The following GORASP1 variants were observed in gnomAD, a reference collection of about 807,000 sequenced individuals.
GORASP1 encodes the protein Golgi reassembly-stacking protein 1.
A neutral mutation model predicts 37.7 loss-of-function variants in GORASP1; 31 were observed. The observed-to-expected ratio is 0.82, with a 90% CI of 0.62 to 1.11. The LOEUF (loss-of-function observed/expected upper bound fraction) is 1.11. Ranked by LOEUF, GORASP1 falls within the 50% of genes least tolerant of loss-of-function variation. The pLI is 0.00. For missense variants in GORASP1, 476 were observed against 560.7 expected (o/e 0.85, Z 1.53); for synonymous variants, 204 against 224.8 (o/e 0.91, Z 0.83).
At position 39,107,595 on chromosome 3, in the gene GORASP1, G is replaced by A. The variant is rs1486055042; in HGVS notation, c.-54C>T. 9.6e-6 allele frequency: 14 copies of A among 1,454,664 alleles called. No homozygotes were observed. Among genetic ancestry groups the A allele is most frequent in the Admixed American group, 2.6e-5 (1 of 38,278 alleles). The allele number at this position is 1,454,664 out of a possible 1,614,324, so 90.1% of individuals were successfully genotyped here. A position where few individuals can be genotyped will look rare whatever the true frequency, so the allele number is the denominator to read the frequency against. On this transcript the variant is annotated 5_prime_UTR_variant, in exon 1 of 9. Coordinates refer to ENST00000319283, the MANE Select transcript of GORASP1 (RefSeq NM_031899.4). ...CAGTCCCGCTGCGCCTACCCGGACC[G>A]ACCCGACGCCAGTAGCACCGACTCG...
intron 6 of GORASP1, among the ~76,000 whole-genome samples, 198 bp from the exon 7 acceptor site, chr3:39,099,701 C>T (rs997796464): frequency 6.6e-6 from 1 of 152,168 alleles, no homozygotes; most frequent in Non-Finnish European, 1.5e-5. Flanking sequence ...GCCTGGCCTC[C>T]CTGCAGTGTT....
chr3:39,099,584 C>G (rs2035566659), intron 6 of GORASP1, 81 bp from the exon 7 acceptor site: 3 of 1,392,840 alleles, frequency 2.2e-6, no homozygotes, highest in Non-Finnish European at 3.0e-6. Flanking sequence ...ACCTAACCAC[C>G]AGTCCCCACT....
chr3:39,103,397 G>A lies in GORASP1; in HGVS notation c.144+76C>T. On this transcript the variant is annotated intron_variant, in intron 2 of 8. Transcript: ENST00000319283. This position sits in a 1 kb window ranked among gnomAD's most constrained non-coding sequence, Gnocchi z 5.2. ...AAAAAAAGGGAGGGAAGGGTAGACTGGGGCCCCCTGTGGGACAGATGAAGA... is the reference window on the plus strand; with the variant it reads ...AAAAAAAGGGAGGGAAGGGTAGACTAGGGCCCCCTGTGGGACAGATGAAGA... The A allele has an allele frequency of 3.2e-6, 4 of 1,236,658 alleles. No homozygotes were observed. The highest frequency in any genetic ancestry group is 4.6e-6 in the Non-Finnish European group (4 of 870,690). The allele number at this position is 1,236,658 out of a possible 1,614,324, so 76.6% of individuals were successfully genotyped here. A position where few individuals can be genotyped will look rare whatever the true frequency, so the allele number is the denominator to read the frequency against.
rs755633152 is a variant in GORASP1 at position 39,098,536 on chromosome 3, C to T, written c.1070-47G>A. On this transcript the variant is annotated intron_variant, in intron 8 of 8. Coordinates refer to ENST00000319283, the MANE Select transcript of GORASP1 (RefSeq NM_031899.4). The surrounding 1 kb of genome is among the most constrained non-coding windows in gnomAD (Gnocchi z 4.7). ...TGAGGAGGTCTGCAAGAACCTAGGG[C>T]CATGGTGTTAGGGCCAGTAACCCCA... The T allele has an allele frequency of 1.3e-6, 2 of 1,577,646 alleles. No individual in the cohort carries two copies. The highest frequency in any genetic ancestry group is 1.7e-6 in the Non-Finnish European group (2 of 1,161,464).
rs751654298 is a variant in GORASP1, at chr3:39,100,279, C to T, written c.765+26G>A. The T allele has an allele frequency of 1.2e-6, 2 of 1,607,314 alleles. No individual in the cohort carries two copies. Among genetic ancestry groups the T allele is most frequent in the African/African-American group, 1.3e-5 (1 of 74,886 alleles). ...GCAGCCTCTAGAGTTTTCTGTCTTC[C>T]CAGTTGGCAGATTCTCCCCACATAC... On this transcript the variant is annotated intron_variant, in intron 6 of 8. Transcript: ENST00000319283. The surrounding 1 kb of genome is among the most constrained non-coding windows in gnomAD (Gnocchi z 4.6).
At position 39,098,500 on chromosome 3, in the gene GORASP1, G is replaced by C. The variant is rs2035475695; in HGVS notation, c.1070-11C>G. On this transcript the variant is annotated splice_polypyrimidine_tract_variant and intron_variant, in intron 8 of 8. Transcript: ENST00000319283. The surrounding 1 kb of genome is among the most constrained non-coding windows in gnomAD (Gnocchi z 4.7). ...ACCATGTAGCCTCACCTGCAACACA[G>C]AAGATCAGGCTGAGGAGGTCTGCAA... The C allele has an allele frequency of 3.7e-6, 6 of 1,609,476 alleles. No individual in the cohort carries two copies. Among genetic ancestry groups the C allele is most frequent in the Middle Eastern group, 1.7e-4 (1 of 6,034 alleles).
rs559834314 is a variant in GORASP1, at chr3:39,100,413, AGGT to A, written c.654_656del (p.Pro219del). The A allele has an allele frequency of 4.4e-4, 709 of 1,613,654 alleles. No individual in the cohort carries two copies. The highest frequency in any genetic ancestry group is 5.5e-4 in the Non-Finnish European group (649 of 1,179,770). ...GTGGGGCACCAAGTGGTAGAGCAGA[AGGT>A]GGTGGGGTGCCAGGTGGCTTCTTGT... is the stretch of plus-strand genomic sequence containing the variant. On this transcript the variant is annotated inframe_deletion, in exon 6 of 9. Coordinates refer to ENST00000319283, the MANE Select transcript of GORASP1 (RefSeq NM_031899.4). This position sits in a 1 kb window ranked among gnomAD's most constrained non-coding sequence, Gnocchi z 4.6.
At chr3:39,107,223 G>T (rs1178842574) in intron 1 of GORASP1, 1 of 538,624 alleles carries the variant, frequency 1.9e-6, no homozygotes, top group East Asian at 4.0e-5. Context: ...CCAGGAAAAC[G>T]CTCCGCTTCC....
In GORASP1 at chr3:39,103,415, G is replaced by T; in HGVS notation, c.144+58C>A. On this transcript the variant is annotated intron_variant, in intron 2 of 8. Transcript: ENST00000319283. The surrounding 1 kb of genome is among the most constrained non-coding windows in gnomAD (Gnocchi z 5.2). ...GTAGACTGGGGCCCCCTGTGGGACA[G>T]ATGAAGACACACAAACACACATAAG... 1 of 1,435,048 alleles carries T rather than the reference G, an allele frequency of 7.0e-7. No individual in the cohort carries two copies. The allele number at this position is 1,435,048 out of a possible 1,614,324, so 88.9% of individuals were successfully genotyped here. A position where few individuals can be genotyped will look rare whatever the true frequency, so the allele number is the denominator to read the frequency against.
rs937277324 is a variant in GORASP1, at chr3:39,100,856, T to C, written c.457A>G (p.Ile153Val). The C allele has an allele frequency of 3.1e-6, 5 of 1,614,120 alleles. No individual in the cohort carries two copies. The highest frequency in any genetic ancestry group is 4.2e-6 in the Non-Finnish European group (5 of 1,179,962). The change falls in exon 5 of 9, where the codon ATC becomes GTC. Residue 153 changes from isoleucine (I) to valine (V), a missense_variant. Coordinates refer to ENST00000319283, the MANE Select transcript of GORASP1 (RefSeq NM_031899.4). This position sits in a 1 kb window ranked among gnomAD's most constrained non-coding sequence, Gnocchi z 4.6. ...LQESEDFFTL[I>V]ESHEGKPLKL... ...AAGGGCTTCCCCTCATGAGACTCGA[T>C]GAGCGTAAAGAAGTCCTCGGACTGT...
rs2035458823 is a variant in GORASP1 at position 39,098,280 on chromosome 3, C to T, written c.1279G>A (p.Ala427Thr). The T allele has an allele frequency of 1.2e-6, 2 of 1,614,094 alleles. No homozygotes were observed. Among genetic ancestry groups the T allele is most frequent in the Non-Finnish European group, 1.7e-6 (2 of 1,180,050 alleles). The stretch of plus-strand genomic sequence containing the variant: ...TGGGCCTGGCTGTCCAGCCCCTCAG[C>T]CTCCGTCCCAGTATCTAGGCCCTCT... ...STEGLDTGTE[A>T]EGLDSQAQIS... The change falls in exon 9 of 9, where the codon GCT becomes ACT. Residue 427 changes from alanine (A) to threonine (T), a missense_variant. Physicochemically the swap from Ala to Thr is moderately conservative, Grantham distance 58 (BLOSUM62 0). Transcript: ENST00000319283. The surrounding 1 kb of genome is among the most constrained non-coding windows in gnomAD (Gnocchi z 4.7).
chr3:39,101,278 GGTCTACAGCCT>G, intron 3 of GORASP1, 176 bp from the exon 4 acceptor site: 2 of 647,698 alleles, frequency 3.1e-6, no homozygotes, highest in South Asian at 3.5e-5. Flanking sequence ...ATCTCCCCCA[GGTCTACAGCCT>G]GTCCAGCAGA....
Position 39,100,560 on chromosome 3 carries a change from T to G in GORASP1, c.567-57A>C. On this transcript the variant is annotated intron_variant, in intron 5 of 8. Transcript: ENST00000319283. This position sits in a 1 kb window ranked among gnomAD's most constrained non-coding sequence, Gnocchi z 4.6. ...GCTTGTCCCACGGCCCTCCCTACCT[T>G]TGCTATCCCCACCTACTACCAGCAA... 5.3e-6 allele frequency: 8 copies of G among 1,508,184 alleles called. No homozygotes were observed. Among genetic ancestry groups the G allele is most frequent in the Non-Finnish European group, 5.3e-6 (6 of 1,124,192 alleles). The allele number at this position is 1,508,184 out of a possible 1,614,324, so 93.4% of individuals were successfully genotyped here. A position where few individuals can be genotyped will look rare whatever the true frequency, so the allele number is the denominator to read the frequency against.
At chr3:39,107,345 G>A (rs1200753082) in intron 1 of GORASP1, 134 bp downstream of exon 1, 2 of 525,998 alleles carry the variant, frequency 3.8e-6, no homozygotes, top group African/African-American at 2.0e-5. Context: ...CGGGCAGGGG[G>A]CACCTCCCGC....
chr3:39,103,695 G>C lies in GORASP1; in HGVS notation c.64-142C>G. On this transcript the variant is annotated intron_variant, in intron 1 of 8. Coordinates refer to ENST00000319283, the MANE Select transcript of GORASP1 (RefSeq NM_031899.4). The surrounding 1 kb of genome is among the most constrained non-coding windows in gnomAD (Gnocchi z 5.2). ...GCATGAACTGTTCCGGACATTCTCA[G>C]GGTTCACTCCATGGCCTCTTGCTAC... 1.7e-6 allele frequency: 1 copy of C among 572,152 alleles called. No individual in the cohort carries two copies. The highest frequency in any genetic ancestry group is 3.0e-6 in the Non-Finnish European group (1 of 334,206). The allele number at this position is 572,152 out of a possible 1,614,324, so 35.4% of individuals were successfully genotyped here. A position where few individuals can be genotyped will look rare whatever the true frequency, so the allele number is the denominator to read the frequency against.
chr3:39,106,846 T>A (rs933494060), intron 1 of GORASP1: 1 of 283,596 alleles, frequency 3.5e-6, no homozygotes, highest in Non-Finnish European at 7.3e-6. Flanking sequence ...CAGACCTCCA[T>A]GTAGCGGCAT....
At position 39,098,126 on chromosome 3, in the gene GORASP1, A is replaced by G; in HGVS notation, c.*110T>C. 1 of 1,343,370 alleles carries G rather than the reference A, an allele frequency of 7.4e-7. No homozygotes were observed. Among genetic ancestry groups the G allele is most frequent in the Non-Finnish European group, 1.0e-6 (1 of 979,538 alleles). 83.2% of individuals were successfully genotyped at this position (1,343,370 alleles called of 1,614,324 possible). On this transcript the variant is annotated 3_prime_UTR_variant, in exon 9 of 9. Coordinates refer to ENST00000319283, the MANE Select transcript of GORASP1 (RefSeq NM_031899.4). The surrounding 1 kb of genome is among the most constrained non-coding windows in gnomAD (Gnocchi z 4.7). ...CCCTCTCACCACCCACTGAGGCCTC[A>G]TGTCCCACCAAAGCAGCAAGGAATC...
At position 39,099,477 on chromosome 3, in the gene GORASP1, G is replaced by A; in HGVS notation, c.792C>T (p.Ser264=). The change falls in exon 7 of 9, where the codon TCC becomes TCT. Residue 264 remains serine (S), a synonymous_variant. Coordinates refer to ENST00000319283, the MANE Select transcript of GORASP1 (RefSeq NM_031899.4). ...MEALLQAPGS[S]MEDPLPGPGS... ...CAGGCCCAGGAAGGGGATCCTCCATGGAGGAGCCAGGTGCCTGCAGCAGGG... is the reference window on the plus strand; with the variant it reads ...CAGGCCCAGGAAGGGGATCCTCCATAGAGGAGCCAGGTGCCTGCAGCAGGG... 1 of 1,610,940 alleles carries A rather than the reference G, an allele frequency of 6.2e-7. No homozygotes were observed. The highest frequency in any genetic ancestry group is 8.5e-7 in the Non-Finnish European group (1 of 1,178,734).
chr3:39,102,427 A>G lies in GORASP1; in HGVS notation c.348+251T>C. On this transcript the variant is annotated intron_variant, in intron 3 of 8. Transcript: ENST00000319283. The surrounding 1 kb of genome is among the most constrained non-coding windows in gnomAD (Gnocchi z 5.0). ...TTCTACCTTTCAAATTAAGTAACCT[A>G]GGTATAGAAGGTAAGAAAGTACCCA... 1.7e-6 allele frequency: 1 copy of G among 577,898 alleles called. No homozygotes were observed. Among genetic ancestry groups the G allele is most frequent in the Non-Finnish European group, 3.1e-6 (1 of 322,668 alleles). 35.8% of individuals were successfully genotyped at this position (577,898 alleles called of 1,614,324 possible).
Sources: allele counts gnomAD v4.1 joint callset (sites outside exome capture counted in the v4.1 genomes callset), GRCh38; gene constraint gnomAD v4.1.1; non-coding constraint Gnocchi (gnomAD v3.1); transcripts MANE v1.5; gene names NCBI Gene and HGNC (gene_info 2026-07-23, HGNC 2026-07-21).